GRAMD2B: variants seen among roughly 807,000 people sequenced by gnomAD.
GRAMD2B encodes the protein GRAM domain-containing protein 2B.
Under a neutral mutation model 59.2 loss-of-function variants are expected in GRAMD2B, and 41 were observed. The ratio of observed to expected loss-of-function variants is 0.69; its 90% CI spans 0.54 to 0.90. GRAMD2B has a LOEUF of 0.90. GRAMD2B is among the 40% of genes least tolerant of loss of function. GRAMD2B has a pLI of 0.00. For synonymous variants in GRAMD2B, 161 were observed against 182.7 expected (o/e 0.88, Z 0.96); for missense variants, 424 against 500.5 (o/e 0.85, Z 1.46).
At chr5:126,378,435 AT>A (rs1300281665) in intron 1 of GRAMD2B, among the ~76,000 whole-genome samples, 2 of 152,132 alleles carry the variant, frequency 1.3e-5, no homozygotes, top group African/African-American at 2.4e-5. Flanking sequence ...TCATAATTTG[AT>A]TTTTTTCCTC....
At chr5:126,471,655 G>A (rs1378106317) in intron 3 of GRAMD2B, among the ~76,000 whole-genome samples, 2 of 152,152 alleles carry the variant, frequency 1.3e-5, no homozygotes, top group African/African-American at 4.8e-5. Flanking sequence ...GCCATATGTT[G>A]CCTTAGACTA....
chr5:126,369,920 G>A (rs1754653740), upstream of GRAMD2B, among the ~76,000 whole-genome samples: 1 of 152,148 alleles, frequency 6.6e-6, no homozygotes, highest in Non-Finnish European at 1.5e-5. Context: ...CATGGTGACT[G>A]GTTTAATTCA....
At chr5:126,389,627 T>C (rs1045922452) in intron 1 of GRAMD2B, among the ~76,000 whole-genome samples, 1 of 152,244 alleles carries the variant, frequency 6.6e-6, no homozygotes, top group African/African-American at 2.4e-5. Context: ...AAGATTATTA[T>C]ATGTTTTTTC....
intron 1 of GRAMD2B, among the ~76,000 whole-genome samples, chr5:126,460,505 A>G (rs1262881538): frequency 6.6e-6 from 1 of 152,218 alleles, no homozygotes; most frequent in Non-Finnish European, 1.5e-5. Flanking sequence ...TGGAAAAGCT[A>G]AAGGGTTTCC....
upstream of GRAMD2B, among the ~76,000 whole-genome samples, chr5:126,421,639 C>G (rs181556673): frequency 6.6e-6 from 1 of 152,152 alleles, no homozygotes; most frequent in Non-Finnish European, 1.5e-5. Flanking sequence ...ACTTATTTTT[C>G]AAATGTCACA....
chr5:126,437,165 T>C (rs1313310720), intron 1 of GRAMD2B, among the ~76,000 whole-genome samples: 2 of 152,188 alleles, frequency 1.3e-5, no homozygotes, highest in South Asian at 2.1e-4. Context: ...CTAGTGACAG[T>C]TGAAGATAGA....
upstream of GRAMD2B, among the ~76,000 whole-genome samples, chr5:126,369,992 A>T (rs1255059992): frequency 1.3e-5 from 2 of 152,174 alleles, 1 homozygote; most frequent in African/African-American, 4.8e-5. Context: ...CAGCACAGAG[A>T]TAAGAGAGGA....
intron 1 of GRAMD2B, among the ~76,000 whole-genome samples, chr5:126,383,944 T>C (rs751880779): frequency 6.6e-6 from 1 of 152,176 alleles, no homozygotes; most frequent in East Asian, 1.9e-4. Flanking sequence ...CATTATATGA[T>C]TCTGTGGGCT....
At chr5:126,483,066 C>G (rs1581255197) in intron 8 of GRAMD2B, among the ~76,000 whole-genome samples, 1 of 148,230 alleles carries the variant, frequency 6.7e-6, no homozygotes, top group African/African-American at 2.7e-5. Flanking sequence ...ATATCTTTCT[C>G]TCTGTCTACA....
chr5:126,407,531 CAA>C (rs1289459926), intron 1 of GRAMD2B, among the ~76,000 whole-genome samples: 2 of 151,900 alleles, frequency 1.3e-5, no homozygotes, highest in Admixed American at 1.3e-4. Flanking sequence ...AGCAAATAGA[CAA>C]GAGAGATTAT....
At chr5:126,373,031 C>T (rs550362847) in intron 1 of GRAMD2B, among the ~76,000 whole-genome samples, 8 of 152,260 alleles carry the variant, frequency 5.3e-5, no homozygotes, top group Admixed American at 5.2e-4. Flanking sequence ...ATAAAACCCA[C>T]ATCAACTTAA....
chr5:126,459,231 G>C (rs566674244), intron 1 of GRAMD2B, among the ~76,000 whole-genome samples: 3 of 152,184 alleles, frequency 2.0e-5, no homozygotes, highest in South Asian at 2.1e-4. Flanking sequence ...AACAAAACTA[G>C]TTGTCATTAA....
chr5:126,380,839 C>T (rs1006875835), intron 1 of GRAMD2B, among the ~76,000 whole-genome samples: 4 of 152,062 alleles, frequency 2.6e-5, no homozygotes, highest in Non-Finnish European at 4.4e-5. Context: ...CATCATATCA[C>T]GGGCAAACAG....
chr5:126,366,544 C>A (rs1754444130), upstream of GRAMD2B, among the ~76,000 whole-genome samples: 2 of 152,314 alleles, frequency 1.3e-5, no homozygotes, highest in South Asian at 4.1e-4. Flanking sequence ...GAAGTTTACA[C>A]ATATTATATC....
At chr5:126,454,093 A>G (rs1765842079) in intron 1 of GRAMD2B, among the ~76,000 whole-genome samples, 3 of 152,308 alleles carry the variant, frequency 2.0e-5, no homozygotes, top group Admixed American at 6.5e-5. Context: ...CAACACATAG[A>G]GGAAGGACAG....
chr5:126,460,164 G>C (rs1259542437), intron 1 of GRAMD2B, among the ~76,000 whole-genome samples: 3 of 152,178 alleles, frequency 2.0e-5, no homozygotes, highest in African/African-American at 7.2e-5. Context: ...AGAATAGCAT[G>C]CTGTCTATCA....
chr5:126,372,188 C>T (rs1754818247), intron 1 of GRAMD2B, among the ~76,000 whole-genome samples: 1 of 152,102 alleles, frequency 6.6e-6, no homozygotes, highest in Non-Finnish European at 1.5e-5. Flanking sequence ...ATTTATTTTT[C>T]AAATTCTTTA....
intron 8 of GRAMD2B, among the ~76,000 whole-genome samples, chr5:126,483,256 G>A (rs571951518): frequency 1.1e-4 from 17 of 152,300 alleles, no homozygotes; most frequent in African/African-American, 4.1e-4. Flanking sequence ...GCCAGTGTTT[G>A]TTGACAGAAT....
chr5:126,364,979 A>T (rs1195997779), intron 1 of GRAMD2B, among the ~76,000 whole-genome samples: 1 of 152,164 alleles, frequency 6.6e-6, no homozygotes, highest in Non-Finnish European at 1.5e-5. Flanking sequence ...GAAAATAATG[A>T]CTGTATTTAG....
Sources: allele counts gnomAD v4.1 joint callset (sites outside exome capture counted in the v4.1 genomes callset), GRCh38; gene constraint gnomAD v4.1.1; transcripts MANE v1.5; gene names NCBI Gene and HGNC (gene_info 2026-07-23, HGNC 2026-07-21).